The following CNTN4 variants were observed in gnomAD, a reference collection of about 807,000 sequenced individuals.
CNTN4 encodes contactin-4.
In CNTN4, 77 loss-of-function variants were observed where a neutral mutation model predicts 122.5. That is an observed-to-expected ratio of 0.63 (90% CI 0.52 to 0.76). The LOEUF is 0.76. Among genes scored for constraint, CNTN4 ranks in the 30% least tolerant of loss-of-function variants. The pLI, the probability that CNTN4 is intolerant of heterozygous loss-of-function variation, is 0.00. For missense variants in CNTN4, 1,256 were observed against 1,259.1 expected, an observed-to-expected ratio of 1.00 and a Z score of 0.04; for synonymous variants, 512 against 447.0, an observed-to-expected ratio of 1.15 and a Z score of -1.83.
intron 2 of CNTN4, among the ~76,000 whole-genome samples, chr3:2,177,866 GGC>G (rs2036826409): frequency 6.6e-6 from 1 of 151,970 alleles, no homozygotes; most frequent in Middle Eastern, 3.2e-3. Flanking sequence ...CAAACAACTG[GGC>G]CCCAGAGCCT....
rs140025428 is a variant in CNTN4 at position 2,726,596 on chromosome 3, C to G, written c.56-9619C>G. Reference sequence around the variant, plus strand: ...TGACCCTGATATCTCATTTACATTTCTCTAGCTAAAGCCAATCAATTTTAT... The same window carrying G: ...TGACCCTGATATCTCATTTACATTTGTCTAGCTAAAGCCAATCAATTTTAT... On this transcript the variant is annotated intron_variant, in intron 4 of 24. Coordinates refer to ENST00000418658, the MANE Select transcript of CNTN4 (RefSeq NM_175607.3). Among the ~76,000 whole-genome samples, 19 of 152,350 alleles carry G rather than the reference C, an allele frequency of 1.2e-4. No homozygotes were observed. In the East Asian group the frequency reaches 3.7e-3, roughly 29 times the overall value.
At chr3:2,109,635 T>G (rs1447653330) in intron 2 of CNTN4, among the ~76,000 whole-genome samples, 1 of 152,168 alleles carries the variant, frequency 6.6e-6, no homozygotes, top group Non-Finnish European at 1.5e-5. Context: ...AACAAAACAA[T>G]GATATGACTC....
chr3:2,986,032 A>G (rs138338001), intron 13 of CNTN4, among the ~76,000 whole-genome samples: 1 of 149,122 alleles, frequency 6.7e-6, no homozygotes, highest in Non-Finnish European at 1.5e-5. Context: ...CTCCCACCTC[A>G]GCCCCCCAAG....
chr3:2,463,855 GTATGA>G (rs1243704807), intron 3 of CNTN4, among the ~76,000 whole-genome samples: 1 of 152,108 alleles, frequency 6.6e-6, no homozygotes, highest in Non-Finnish European at 1.5e-5. Flanking sequence ...TGGTACTACG[GTATGA>G]TATGTCATGC....
At chr3:2,684,860 G>T (rs1328499125) in intron 4 of CNTN4, among the ~76,000 whole-genome samples, 3 of 152,198 alleles carry the variant, frequency 2.0e-5, no homozygotes, top group African/African-American at 7.2e-5. Flanking sequence ...GGAATCGGGA[G>T]TGCTCAAGCA....
At chr3:2,883,031 T>C in intron 8 of CNTN4, 114 bp from the exon 9 acceptor site, 3 of 737,296 alleles carry the variant, frequency 4.1e-6, no homozygotes, top group Non-Finnish European at 7.1e-6. Flanking sequence ...AATGAAGGAA[T>C]TAATTGTGCA....
At chr3:2,899,192 T>A (rs950630707) in intron 10 of CNTN4, among the ~76,000 whole-genome samples, 1 of 152,188 alleles carries the variant, frequency 6.6e-6, no homozygotes, top group Non-Finnish European at 1.5e-5. Flanking sequence ...GCTGGTTAAG[T>A]GATTTGTTGA....
Position 2,514,114 on chromosome 3 carries a change from CAG to C in CNTN4, c.-88-57297_-88-57296del, listed in dbSNP as rs534967788. On this transcript the variant is annotated intron_variant, in intron 3 of 24. Coordinates refer to ENST00000418658, the MANE Select transcript of CNTN4 (RefSeq NM_175607.3). ...AATTTTGTAAATTGGGATACAGCAG[CAG>C]AGAGTTAAATCTCCTTGCATTCTTT... 8.5e-4 allele frequency among the ~76,000 whole-genome samples: 129 copies of C among 152,260 alleles called. 2 individuals are homozygous for C. The highest frequency in any genetic ancestry group is 6.8e-3 in the Middle Eastern group (2 of 294).
intron 2 of CNTN4, among the ~76,000 whole-genome samples, chr3:2,148,216 G>T (rs1162796808): frequency 5.3e-5 from 8 of 151,996 alleles, no homozygotes; most frequent in Admixed American, 4.6e-4. Flanking sequence ...GTGGAAGTTG[G>T]ACACATTGAG....
At chr3:2,652,641 C>G (rs567511058) in intron 4 of CNTN4, among the ~76,000 whole-genome samples, 2 of 151,982 alleles carry the variant, frequency 1.3e-5, no homozygotes, top group East Asian at 3.9e-4. Context: ...TCAGCAGGGG[C>G]CCAGAGCACA....
At chr3:2,484,664 G>A (rs981481858) in intron 3 of CNTN4, among the ~76,000 whole-genome samples, 1 of 152,226 alleles carries the variant, frequency 6.6e-6, no homozygotes, top group Non-Finnish European at 1.5e-5. Context: ...TCCACAGTGA[G>A]GAACTGCTGC....
At chr3:2,680,007 TA>T (rs2085080541) in intron 4 of CNTN4, among the ~76,000 whole-genome samples, 1 of 152,216 alleles carries the variant, frequency 6.6e-6, no homozygotes, top group Non-Finnish European at 1.5e-5. Flanking sequence ...TTAGAAGCTA[TA>T]AGTTATTTGA....
intron 2 of CNTN4, among the ~76,000 whole-genome samples, chr3:2,305,158 A>G (rs1256172409): frequency 6.6e-6 from 1 of 152,078 alleles, no homozygotes; most frequent in East Asian, 1.9e-4. Flanking sequence ...ATGAATGATC[A>G]TGTAGTTCCC....
rs199969930 is a variant in CNTN4 at position 2,191,899 on chromosome 3, G to A, written c.-145+91260G>A. On this transcript the variant is annotated intron_variant, in intron 2 of 24. Transcript: ENST00000418658. ...CCCCCCTCCCCCCACTCCACAACAG[G>A]CCCCAGTGTCTGATGTTCCCCTTCC... is the stretch of plus-strand genomic sequence containing the variant. Among the ~76,000 whole-genome samples the A allele has an allele frequency of 5.9e-5, 9 of 151,594 alleles. No individual in the cohort carries two copies. The South Asian group carries it at 1.5e-3, about 25-fold the overall frequency.
intron 2 of CNTN4, among the ~76,000 whole-genome samples, chr3:2,287,663 A>AGAG (rs1559415379): frequency 4.7e-5 from 2 of 42,918 alleles, no homozygotes; most frequent in Admixed American, 2.8e-4. Context: ...AAGAAGAAGA[A>AGAG]GAAGAAGAAG....
chr3:2,711,293 C>T (rs187270343), intron 4 of CNTN4, among the ~76,000 whole-genome samples: 33 of 152,294 alleles, frequency 2.2e-4, no homozygotes, highest in Admixed American at 6.5e-4. Context: ...CTCACACAGT[C>T]AGCACATAGT....
chr3:2,891,480 A>ATTAT (rs1376493491), intron 10 of CNTN4, among the ~76,000 whole-genome samples: 6 of 152,200 alleles, frequency 3.9e-5, no homozygotes, highest in Non-Finnish European at 8.8e-5. Context: ...TTGATATGAT[A>ATTAT]GAAAGTAGCT....
chr3:2,725,748 CAGAG>C (rs952688506), intron 4 of CNTN4, among the ~76,000 whole-genome samples: 1 of 152,122 alleles, frequency 6.6e-6, no homozygotes, highest in Admixed American at 6.5e-5. Flanking sequence ...AGTAAGTCCA[CAGAG>C]AGAAGGCTTT....
At chr3:2,964,958 G>A (rs17023766) in intron 13 of CNTN4, among the ~76,000 whole-genome samples, 29,977 of 152,044 alleles carry the variant, frequency 0.2, 3,952 homozygotes, top group African/African-American at 0.37. Flanking sequence ...TACTCGAGGG[G>A]TTGAAGATAC....
Sources: allele counts gnomAD v4.1 joint callset (sites outside exome capture counted in the v4.1 genomes callset), GRCh38; gene constraint gnomAD v4.1.1; transcripts MANE v1.5; gene names NCBI Gene and HGNC (gene_info 2026-07-23, HGNC 2026-07-21).